The following PHLDB2 variants were observed in gnomAD, a reference collection of about 807,000 sequenced individuals.
PHLDB2 encodes pleckstrin homology-like domain family B member 2.
In PHLDB2, 71 loss-of-function variants were observed where a neutral mutation model predicts 123.6. The ratio of observed to expected loss-of-function variants is 0.57; its 90% CI spans 0.47 to 0.70. The LOEUF is 0.70. PHLDB2 is among the 30% of genes least tolerant of loss of function. The pLI is 0.00. For synonymous variants in PHLDB2, 547 were observed against 541.6 expected (o/e 1.01, Z -0.14); for missense variants, 1,446 against 1,519.5 (o/e 0.95, Z 0.80).
At chr3:111,770,603 T>C (rs2060159837) in intron 1 of PHLDB2, among the ~76,000 whole-genome samples, 1 of 152,174 alleles carries the variant, frequency 6.6e-6, no homozygotes, top group South Asian at 2.1e-4. Context: ...TAAATTACCA[T>C]AACTTGTGTT....
At chr3:111,871,613 C>T (rs2065345523) in intron 1 of PHLDB2, among the ~76,000 whole-genome samples, 1 of 152,152 alleles carries the variant, frequency 6.6e-6, no homozygotes, top group South Asian at 2.1e-4. Flanking sequence ...AAGATTGTGC[C>T]ACTGCACTCC....
chr3:111,826,191 CT>C, intron 1 of PHLDB2, among the ~76,000 whole-genome samples: 1 of 151,976 alleles, frequency 6.6e-6, no homozygotes, highest in Admixed American at 6.6e-5. Flanking sequence ...TGTTTGTATT[CT>C]CAGCTACTAG....
chr3:111,964,533 G>A (rs1055564608), intron 13 of PHLDB2, among the ~76,000 whole-genome samples: 8 of 151,002 alleles, frequency 5.3e-5, no homozygotes, highest in African/African-American at 1.7e-4. Flanking sequence ...GTAGAGAAGG[G>A]GTTTCACCAT....
intron 12 of PHLDB2, among the ~76,000 whole-genome samples, chr3:111,959,011 G>A (rs966796998): frequency 2.0e-5 from 3 of 152,258 alleles, no homozygotes; most frequent in Non-Finnish European, 4.4e-5. Context: ...CCCCTTTCCT[G>A]ATAAAGCTTC....
intron 2 of PHLDB2, among the ~76,000 whole-genome samples, chr3:111,891,378 CA>C (rs2066484471): frequency 6.6e-6 from 1 of 151,990 alleles, no homozygotes; most frequent in Non-Finnish European, 1.5e-5. Flanking sequence ...ATTGGATTTT[CA>C]AAAGAGCATG....
intron 1 of PHLDB2, among the ~76,000 whole-genome samples, chr3:111,843,810 T>G (rs1407715190): frequency 6.6e-6 from 1 of 152,256 alleles, no homozygotes; most frequent in Non-Finnish European, 1.5e-5. Flanking sequence ...TTTGATGGTA[T>G]TGCTTATAGC....
At chr3:111,881,119 T>C (rs553187868) in intron 1 of PHLDB2, among the ~76,000 whole-genome samples, 8 of 152,210 alleles carry the variant, frequency 5.3e-5, no homozygotes, top group Non-Finnish European at 1.2e-4. Context: ...TCACAAAAAG[T>C]ATAAAATTTT....
intron 1 of PHLDB2, among the ~76,000 whole-genome samples, chr3:111,766,929 G>T (rs6777990): frequency 0.87 from 131,130 of 151,412 alleles, 57,672 homozygotes; most frequent in East Asian, 1. Flanking sequence ...TACTTGGGAG[G>T]CTGAGGCAGG....
intron 1 of PHLDB2, among the ~76,000 whole-genome samples, chr3:111,835,910 C>T (rs1559859433): frequency 6.6e-6 from 1 of 152,264 alleles, no homozygotes; most frequent in East Asian, 1.9e-4. Flanking sequence ...TTGAAAAGCA[C>T]ATAGCATAGC....
At chr3:111,886,216 A>G (rs1315241752) in intron 2 of PHLDB2, among the ~76,000 whole-genome samples, 5 of 152,254 alleles carry the variant, frequency 3.3e-5, no homozygotes. Flanking sequence ...AAGCTGCAGG[A>G]TAGTAAAGCT....
intron 2 of PHLDB2, among the ~76,000 whole-genome samples, chr3:111,901,404 A>G (rs1354940089): frequency 6.6e-6 from 1 of 151,554 alleles, no homozygotes; most frequent in Non-Finnish European, 1.5e-5. Flanking sequence ...ATGTGATATG[A>G]CTCAAAAATA....
chr3:111,952,457 A>T, intron 10 of PHLDB2, 115 bp from the exon 11 acceptor site: 1 of 1,179,620 alleles, frequency 8.5e-7, no homozygotes, highest in Non-Finnish European at 1.2e-6. Flanking sequence ...AATAACTTTA[A>T]GAAAAATTCT....
At chr3:111,738,997 G>T (rs564168639) in intron 1 of PHLDB2, among the ~76,000 whole-genome samples, 1 of 152,090 alleles carries the variant, frequency 6.6e-6, no homozygotes, top group Non-Finnish European at 1.5e-5. Flanking sequence ...TTCGGCTTTC[G>T]TGGCCTCAAT....
intron 12 of PHLDB2, 113 bp from the exon 13 acceptor site, chr3:111,961,995 A>T: frequency 1.0e-6 from 1 of 980,346 alleles, no homozygotes; most frequent in Middle Eastern, 3.0e-4. Context: ...AATTAGACCA[A>T]GGCCCAAGCT....
At chr3:111,880,609 GT>G (rs1387268709) in intron 1 of PHLDB2, among the ~76,000 whole-genome samples, 2 of 152,106 alleles carry the variant, frequency 1.3e-5, no homozygotes, top group Non-Finnish European at 2.9e-5. Flanking sequence ...GCACAAAGTG[GT>G]AGAGTAAGTC....
chr3:111,968,471 T>A (rs2071949435), intron 15 of PHLDB2, among the ~76,000 whole-genome samples: 1 of 152,244 alleles, frequency 6.6e-6, no homozygotes, highest in Non-Finnish European at 1.5e-5. Flanking sequence ...TGAATCTCTG[T>A]TCTTGTCACT....
chr3:111,818,020 G>A (rs1374506637), intron 1 of PHLDB2, among the ~76,000 whole-genome samples: 1 of 151,910 alleles, frequency 6.6e-6, no homozygotes, highest in East Asian at 1.9e-4. Context: ...TCTCATTTTT[G>A]TTCACTAATG....
chr3:111,792,305 A>G (rs1198122766), intron 1 of PHLDB2, among the ~76,000 whole-genome samples: 1 of 152,236 alleles, frequency 6.6e-6, no homozygotes, highest in Non-Finnish European at 1.5e-5. Context: ...CCTTTCTTAT[A>G]TAAAAGAGAA....
chr3:111,735,412 A>G (rs1404735485), intron 1 of PHLDB2, among the ~76,000 whole-genome samples: 1 of 152,164 alleles, frequency 6.6e-6, no homozygotes, highest in Non-Finnish European at 1.5e-5. Flanking sequence ...GATATGTCCT[A>G]AAGATTCCAT....
Sources: allele counts gnomAD v4.1 joint callset (sites outside exome capture counted in the v4.1 genomes callset), GRCh38; gene constraint gnomAD v4.1.1; transcripts MANE v1.5; gene names NCBI Gene and HGNC (gene_info 2026-07-23, HGNC 2026-07-21).